The following EDIL3 variants were observed in gnomAD, a reference collection of about 807,000 sequenced individuals.
EDIL3 encodes the protein EGF-like repeat and discoidin I-like domain-containing protein 3.
Under a neutral mutation model 67.4 loss-of-function variants are expected in EDIL3, and 37 were observed. The observed-to-expected ratio is 0.55, with a 90% CI of 0.42 to 0.72. The LOEUF (loss-of-function observed/expected upper bound fraction) is 0.72, where lower values mean the gene tolerates loss of function less well. EDIL3 is among the 30% of genes least tolerant of loss of function. The pLI is 0.00. For synonymous variants in EDIL3, 195 were observed against 196.3 expected (o/e 0.99, Z 0.05); for missense variants, 527 against 586.3 (o/e 0.90, Z 1.04).
chr5:84,046,389 T>C (rs896039240), intron 9 of EDIL3, among the ~76,000 whole-genome samples: 3 of 152,052 alleles, frequency 2.0e-5, no homozygotes, highest in Non-Finnish European at 2.9e-5. Flanking sequence ...CTGAAAAAAA[T>C]GAGTCACTTC....
At chr5:84,332,528 T>TA (rs1427422015) in intron 1 of EDIL3, among the ~76,000 whole-genome samples, 1 of 152,238 alleles carries the variant, frequency 6.6e-6, no homozygotes, top group Non-Finnish European at 1.5e-5. Context: ...CTGTTTTCTT[T>TA]AAGGAACTTA....
chr5:84,136,318 G>A (rs920527746), intron 5 of EDIL3, among the ~76,000 whole-genome samples: 1 of 152,176 alleles, frequency 6.6e-6, no homozygotes, highest in Non-Finnish European at 1.5e-5. Flanking sequence ...GTGGTGCTCA[G>A]ATCATACGAT....
intron 10 of EDIL3, among the ~76,000 whole-genome samples, chr5:83,954,717 G>A (rs1466021607): frequency 6.6e-6 from 1 of 151,676 alleles, no homozygotes; most frequent in Admixed American, 6.6e-5. Context: ...ACTAGTCAAT[G>A]GTTACTGCAT....
At chr5:84,054,071 C>G (rs1311678521) in intron 9 of EDIL3, among the ~76,000 whole-genome samples, 1 of 152,160 alleles carries the variant, frequency 6.6e-6, no homozygotes, top group African/African-American at 2.4e-5. Flanking sequence ...AAAATACTGG[C>G]AAACCAAATC....
At chr5:84,340,669 C>G (rs983211734) in intron 1 of EDIL3, among the ~76,000 whole-genome samples, 3 of 150,866 alleles carry the variant, frequency 2.0e-5, no homozygotes, top group South Asian at 2.1e-4. Context: ...ACTTTAATAG[C>G]ATGCCCATTG....
intron 3 of EDIL3, among the ~76,000 whole-genome samples, chr5:84,201,837 A>G (rs967173932): frequency 1.8e-4 from 28 of 152,280 alleles, no homozygotes; most frequent in African/African-American, 6.5e-4. Flanking sequence ...CAAAATCCAC[A>G]TGAAATTCTA....
intron 6 of EDIL3, among the ~76,000 whole-genome samples, chr5:84,085,231 T>C (rs191276057): frequency 8.5e-5 from 13 of 152,306 alleles, no homozygotes; most frequent in Non-Finnish European, 1.3e-4. Context: ...TGGAGAGTTG[T>C]TGTGATCATT....
chr5:84,251,427 TC>T (rs1745023957), intron 2 of EDIL3, among the ~76,000 whole-genome samples: 1 of 151,724 alleles, frequency 6.6e-6, no homozygotes, highest in Admixed American at 6.6e-5. Context: ...TTTTTTTTTT[TC>T]GAAACAAAAA....
intron 1 of EDIL3, among the ~76,000 whole-genome samples, chr5:84,357,850 T>G (rs1463430268): frequency 7.2e-6 from 1 of 138,450 alleles, no homozygotes; most frequent in African/African-American, 2.7e-5. Context: ...ATTGTGCCAC[T>G]GCACTCCAGC....
chr5:84,036,707 T>C (rs1746028372), intron 9 of EDIL3, among the ~76,000 whole-genome samples: 1 of 152,190 alleles, frequency 6.6e-6, no homozygotes, highest in Non-Finnish European at 1.5e-5. Flanking sequence ...TGCAAAATTG[T>C]AAAACCTTAG....
chr5:84,179,175 A>T (rs1393633693), intron 4 of EDIL3, among the ~76,000 whole-genome samples: 1 of 152,102 alleles, frequency 6.6e-6, no homozygotes, highest in Non-Finnish European at 1.5e-5. Flanking sequence ...TTAAGTGAAC[A>T]TCAAGGCTCC....
chr5:84,296,927 A>G (rs1159831125), intron 1 of EDIL3, among the ~76,000 whole-genome samples: 1 of 152,204 alleles, frequency 6.6e-6, no homozygotes, highest in Non-Finnish European at 1.5e-5. Flanking sequence ...TCACGCCTGC[A>G]ATCCCAGCAC....
At chr5:84,187,358 CACTT>C (rs1283050835) in intron 3 of EDIL3, among the ~76,000 whole-genome samples, 1 of 152,040 alleles carries the variant, frequency 6.6e-6, no homozygotes, top group Non-Finnish European at 1.5e-5. Flanking sequence ...GCTGCTTACA[CACTT>C]AGAGACTGTG....
At chr5:84,001,724 T>C (rs1215635376) in intron 9 of EDIL3, among the ~76,000 whole-genome samples, 1 of 152,018 alleles carries the variant, frequency 6.6e-6, no homozygotes. Context: ...ATGCTTAAAA[T>C]TGAACCATGA....
chr5:83,985,254 A>G (rs1485286183), intron 9 of EDIL3, among the ~76,000 whole-genome samples: 1 of 152,058 alleles, frequency 6.6e-6, no homozygotes, highest in Non-Finnish European at 1.5e-5. Context: ...AATATGAGGC[A>G]TTGCACTAGA....
At chr5:84,054,803 TAA>T (rs1391918551) in intron 9 of EDIL3, among the ~76,000 whole-genome samples, 1 of 150,280 alleles carries the variant, frequency 6.7e-6, no homozygotes, top group East Asian at 2.0e-4. Context: ...CTCAATGAAA[TAA>T]AAGAGGACAC....
intron 5 of EDIL3, among the ~76,000 whole-genome samples, chr5:84,110,938 C>G (rs913964885): frequency 3.5e-4 from 53 of 152,058 alleles, no homozygotes; most frequent in African/African-American, 1.1e-3. Context: ...CCTCTGTGTC[C>G]CCACCTAAAT....
intron 3 of EDIL3, among the ~76,000 whole-genome samples, chr5:84,196,631 C>T (rs1006144567): frequency 1.7e-4 from 26 of 151,918 alleles, no homozygotes; most frequent in African/African-American, 5.3e-4. Flanking sequence ...ATCTCAAGTG[C>T]CTGGTAATGA....
intron 4 of EDIL3, among the ~76,000 whole-genome samples, chr5:84,163,722 T>C (rs1245440804): frequency 6.6e-6 from 1 of 151,990 alleles, no homozygotes; most frequent in Non-Finnish European, 1.5e-5. Context: ...GACAGAAAAA[T>C]GCATAAGGAA....
Sources: gnomAD v4.1 joint callset for allele counts (sites outside exome capture counted in the v4.1 genomes callset) on GRCh38, gnomAD v4.1.1 for gene constraint, MANE v1.5 for transcripts, NCBI Gene and HGNC (gene_info 2026-07-23, HGNC 2026-07-21) for gene names.